The following XAGE5 variants were observed in gnomAD, a reference collection of about 807,000 sequenced individuals.
XAGE5 encodes the protein G antigen, family D, 5.
XAGE5 carries 13 observed loss-of-function variants against 13.1 expected under a neutral mutation model. The ratio of observed to expected loss-of-function variants is 0.99; its 90% confidence interval spans 0.64 to 1.57. XAGE5 has a LOEUF of 1.57. Ranked by LOEUF, XAGE5 falls within the 40% of genes most tolerant of loss-of-function variation. The pLI is 0.00. For synonymous variants in XAGE5, 17 were observed against 25.0 expected (o/e 0.68, Z 0.96); for missense variants, 86 against 77.6 (o/e 1.11, Z -0.41).
At chrX:52,816,369 A>G (rs1447355984) in intron 5 of XAGE5, among the ~76,000 whole-genome samples, 1 of 112,484 alleles carries the variant, frequency 8.9e-6, no homozygotes, top group Non-Finnish European at 1.9e-5. Context: ...TTTGTGGCCC[A>G]TGAAGTAGGG....
At chrX:52,816,858 A>G (rs1426396120) in intron 5 of XAGE5, among the ~76,000 whole-genome samples, 2 of 112,233 alleles carry the variant, frequency 1.8e-5, no homozygotes, top group African/African-American at 6.5e-5. Context: ...AATAGATAAC[A>G]AATTACATGA....
intron 5 of XAGE5, among the ~76,000 whole-genome samples, chrX:52,816,347 G>C (rs1480087441): frequency 1.8e-5 from 2 of 112,342 alleles, no homozygotes; most frequent in African/African-American, 6.5e-5. Flanking sequence ...AATGGAAAGA[G>C]ACAGTCAAGT....
intron 5 of XAGE5, among the ~76,000 whole-genome samples, 178 bp downstream of exon 5, chrX:52,815,395 T>C (rs1926887825): frequency 8.9e-6 from 1 of 112,471 alleles, no homozygotes; most frequent in Non-Finnish European, 1.9e-5. Flanking sequence ...CACTATCAGA[T>C]ACAGACACAA....
Position 52,817,224 on chromosome X carries a change from A to G in XAGE5, c.305-967A>G, listed in dbSNP as rs151225568. 7.7e-3 allele frequency among the ~76,000 whole-genome samples: 867 copies of G among 112,158 alleles called. 5 individuals carry two copies. Among genetic ancestry groups the G allele is most frequent in the African/African-American group, 0.027 (830 of 30,891 alleles). ...CCTACATTATTTAATATGTCCCTGC[A>G]ATACCTGAATATCTGAACGCCACAA... On this transcript the variant is annotated intron_variant, in intron 5 of 5. Coordinates refer to ENST00000375501, the MANE Select transcript of XAGE5 (RefSeq NM_001386970.1).
chrX:52,813,025 A>G (rs1318902952), intron 3 of XAGE5, 115 bp from the exon 4 acceptor site: 1 of 569,276 alleles, frequency 1.8e-6, no homozygotes, highest in African/African-American at 2.3e-5. Context: ...GTCTTTAAAC[A>G]TGCATATGAT....
In XAGE5 at chrX:52,813,377, G is replaced by T; in HGVS notation, c.178+132G>T. ...ATCTCAAACATTTGCTGAGAGTTTT[G>T]CAAGAGGCTGGAAATGTGATGGGTA... On this transcript the variant is annotated intron_variant, in intron 4 of 5. Coordinates refer to ENST00000375501, the MANE Select transcript of XAGE5 (RefSeq NM_001386970.1). 4.9e-6 allele frequency: 3 copies of T among 617,240 alleles called. No homozygotes were observed. The South Asian group carries it at 8.7e-5, about 18-fold the overall frequency. 50.9% of individuals were successfully genotyped at this position (617,240 alleles called of 1,213,427 possible). A position where few individuals can be genotyped will look rare whatever the true frequency, so the allele number is the denominator to read the frequency against.
chrX:52,815,090 AGT>A lies in XAGE5; in HGVS notation c.179_180del (p.Val60AlafsTer2). 1 of 1,211,103 alleles carries A rather than the reference AGT, an allele frequency of 8.3e-7. No homozygotes were observed. The highest frequency in any genetic ancestry group is 1.1e-6 in the Non-Finnish European group (1 of 895,056). On this transcript the variant is annotated splice_acceptor_variant and coding_sequence_variant, in exon 5 of 6. Transcript: ENST00000375501. LOFTEE classifies it high-confidence loss of function. Reference sequence around the variant, plus strand: ...CCAGTCCATATCCTTGGTATTTTTCAGTGCCTAACCTGGAAGCTGATCTCCAG... The same window carrying A: ...CCAGTCCATATCCTTGGTATTTTTCAGCCTAACCTGGAAGCTGATCTCCAG...
chrX:52,818,053 T>C, intron 5 of XAGE5, 138 bp from the exon 6 acceptor site: 1 of 688,457 alleles, frequency 1.5e-6, no homozygotes, highest in South Asian at 3.0e-5. Flanking sequence ...AGTTGAATAT[T>C]AGCCGTAGGG....
chrX:52,814,089 ATTTT>A (rs1569184151), intron 4 of XAGE5: 1 of 234,915 alleles, frequency 4.3e-6, no homozygotes, highest in Non-Finnish European at 8.4e-6. Flanking sequence ...AGGAATTCAT[ATTTT>A]GTTCCAAGGT....
intron 5 of XAGE5, among the ~76,000 whole-genome samples, chrX:52,816,899 T>A (rs782258449): frequency 6.3e-5 from 7 of 110,899 alleles, no homozygotes; most frequent in Non-Finnish European, 1.1e-4. Flanking sequence ...ACATAAAAAA[T>A]AATAAAAGAG....
chrX:52,812,035 A>G (rs1470165063), intron 2 of XAGE5, among the ~76,000 whole-genome samples: 3 of 111,679 alleles, frequency 2.7e-5, no homozygotes, highest in African/African-American at 9.8e-5. Flanking sequence ...CTCATTGGAA[A>G]TACCGTGTGT....
chrX:52,812,362 C>T (rs1926814640), intron 2 of XAGE5, 197 bp from the exon 3 acceptor site: 3 of 359,361 alleles, frequency 8.3e-6, no homozygotes, highest in Middle Eastern at 7.8e-4. Flanking sequence ...CAACATTCGC[C>T]CCCCGGTTCA....
At chrX:52,816,145 T>C (rs782176348) in intron 5 of XAGE5, among the ~76,000 whole-genome samples, 1 of 111,117 alleles carries the variant, frequency 9.0e-6, no homozygotes, top group Admixed American at 9.6e-5. Flanking sequence ...GGTTTCACCA[T>C]GTTGGCCAGT....
chrX:52,813,191 G>A lies in XAGE5; in HGVS notation c.124G>A (p.Asp42Asn). The A allele has an allele frequency of 1.7e-6, 2 of 1,211,116 alleles. No individual in the cohort carries two copies. Among genetic ancestry groups the A allele is most frequent in the Non-Finnish European group, 2.2e-6 (2 of 895,213 alleles). ...QQEEPPTESQ[D>N]HTPGQKREDD... is the part of the protein sequence containing the mutation. ...AGAAGAACCACCAACTGAAAGTCAG[G>A]ATCATACACCTGGTCAGAAGAGAGA... The change falls in exon 4 of 6, where the codon GAT becomes AAT. Residue 42 changes from aspartate (D) to asparagine (N), a missense_variant. By Grantham distance (23) the Asp-to-Asn change is conservative (BLOSUM62 1). Transcript: ENST00000375501.
intron 4 of XAGE5, 100 bp downstream of exon 4, chrX:52,813,345 G>A: frequency 1.2e-6 from 1 of 824,002 alleles, no homozygotes; most frequent in Non-Finnish European, 1.8e-6. Context: ...GAAAGCAATA[G>A]GAAAGGATCT....
chrX:52,815,258 A>G lies in XAGE5; in HGVS notation c.304+41A>G. On this transcript the variant is annotated intron_variant, in intron 5 of 5. Coordinates refer to ENST00000375501, the MANE Select transcript of XAGE5 (RefSeq NM_001386970.1). ...AGATTAAAAATTATGTGCTTTCTGT[A>G]TTACACAATATTATACTTTTGATAA... The G allele has an allele frequency of 2.6e-6, 3 of 1,146,553 alleles. No homozygotes were observed. The East Asian group carries it at 9.0e-5, about 34-fold the overall frequency. 94.5% of individuals were successfully genotyped at this position (1,146,553 alleles called of 1,213,427 possible). A position where few individuals can be genotyped will look rare whatever the true frequency, so the allele number is the denominator to read the frequency against.
chrX:52,814,586 A>C (rs1166843770), intron 4 of XAGE5, among the ~76,000 whole-genome samples: 1 of 111,947 alleles, frequency 8.9e-6, no homozygotes. Flanking sequence ...TTCAGTTCCC[A>C]TACTCTCACT....
rs782572195 is a variant in XAGE5 at position 52,815,191 on chromosome X, C to G, written c.278C>G (p.Ser93Ter). 9.9e-6 allele frequency: 12 copies of G among 1,208,449 alleles called. No homozygotes were observed. The highest frequency in any genetic ancestry group is 5.3e-5 in the South Asian group (3 of 56,374). Residue 93 changes from serine (S) to a stop codon, truncating the protein, a stop_gained, in exon 5 of 6, where the codon TCA becomes TGA. Transcript: ENST00000375501. LOFTEE classifies it high-confidence loss of function. The part of the protein sequence containing the change: ...PDVQGKILPK[S>*]EQFKMPEGGE... Reference sequence around the variant, plus strand: ...GTCCAGGGGAAGATTCTGCCAAAATCAGAGCAATTTAAAATGCCAGAAGGA... The same window carrying G: ...GTCCAGGGGAAGATTCTGCCAAAATGAGAGCAATTTAAAATGCCAGAAGGA...
At chrX:52,812,694 G>C in intron 3 of XAGE5, 56 bp downstream of exon 3, 1 of 1,086,827 alleles carries the variant, frequency 9.2e-7, no homozygotes, top group East Asian at 3.0e-5. Context: ...TTGTGTGGTA[G>C]TTATTGTTGA....
Sources: allele counts gnomAD v4.1 joint callset (sites outside exome capture counted in the v4.1 genomes callset), GRCh38; gene constraint gnomAD v4.1.1; transcripts MANE v1.5; gene names NCBI Gene and HGNC (gene_info 2026-07-23, HGNC 2026-07-21).